Variants in LPP observed in about 807,000 individuals in gnomAD.
The protein encoded by LPP is LIM domain containing preferred translocation partner in lipoma.
Under a neutral mutation model 60.4 loss-of-function variants are expected in LPP, and 38 were observed. The ratio of observed to expected loss-of-function variants is 0.63; its 90% CI spans 0.49 to 0.83. The LOEUF is 0.83. Ranked by LOEUF, LPP falls within the 40% of genes least tolerant of loss-of-function variation. The pLI is 0.00. For synonymous variants in LPP, 328 were observed against 290.8 expected, an observed-to-expected ratio of 1.13 and a Z score of -1.30; for missense variants, 902 against 783.6, an observed-to-expected ratio of 1.15 and a Z score of -1.80.
At chr3:188,704,402 TAGAAGAGAACCTGA>T (rs1413439200) in intron 7 of LPP, among the ~76,000 whole-genome samples, 2 of 152,186 alleles carry the variant, frequency 1.3e-5, no homozygotes, top group African/African-American at 4.8e-5. Flanking sequence ...AGTCCATTGA[TAGAAGAGAACCTGA>T]AGTTATGAAA....
At chr3:188,482,583 T>C (rs542622171) in intron 4 of LPP, among the ~76,000 whole-genome samples, 8 of 148,518 alleles carry the variant, frequency 5.4e-5, no homozygotes, top group African/African-American at 1.5e-4. Context: ...CCCTGTCTTC[T>C]ATCCCCAAGA....
rs1227821788 is a variant in LPP, at chr3:188,877,935, T to A, written c.*3456T>A. The A allele has an allele frequency of 2.3e-5, 5 of 214,370 alleles. No homozygotes were observed. Among genetic ancestry groups the A allele is most frequent in the African/African-American group, 9.0e-5 (4 of 44,348 alleles). The allele number at this position is 214,370 out of a possible 1,614,324, so 13.3% of individuals were successfully genotyped here. ...TCTGGGTATGTGCTGATTAAGGGGG[T>A]GGACTTATCAACACTATAATTGTTC... On this transcript the variant is annotated 3_prime_UTR_variant, in exon 12 of 12. Coordinates refer to ENST00000617246, the MANE Select transcript of LPP (RefSeq NM_001375462.1).
At chr3:188,677,567 T>G (rs1347798634) in intron 7 of LPP, among the ~76,000 whole-genome samples, 1 of 152,186 alleles carries the variant, frequency 6.6e-6, no homozygotes, top group Non-Finnish European at 1.5e-5. Context: ...CTTTAAAAGC[T>G]GTTATTAAAT....
intron 4 of LPP, among the ~76,000 whole-genome samples, 179 bp from the exon 5 acceptor site, chr3:188,484,413 C>T (rs1333770087): frequency 6.6e-6 from 1 of 152,162 alleles, no homozygotes; most frequent in African/African-American, 2.4e-5. Context: ...ACTCTTTCTT[C>T]TGAAAGTTAA....
At chr3:188,326,400 G>A (rs1280381976) in intron 2 of LPP, among the ~76,000 whole-genome samples, 1 of 152,146 alleles carries the variant, frequency 6.6e-6, no homozygotes, top group Non-Finnish European at 1.5e-5. Context: ...GGTGACCGGA[G>A]TATATTTAGA....
In LPP at chr3:188,681,783, C is replaced by A. The variant is rs1481152325; in HGVS notation, c.1114-26484C>A. Among the ~76,000 whole-genome samples, 7 of 152,140 alleles carry A rather than the reference C, an allele frequency of 4.6e-5. No individual in the cohort carries two copies. In the East Asian group the frequency reaches 1.3e-3, roughly 29 times the overall value. ...ACGCCATTTTTCTATATACAAAATT[C>A]TTTCACATCTATTTTCACCACTATC... On this transcript the variant is annotated intron_variant, in intron 7 of 11. Coordinates refer to ENST00000617246, the MANE Select transcript of LPP (RefSeq NM_001375462.1).
intron 3 of LPP, among the ~76,000 whole-genome samples, chr3:188,376,350 G>A (rs968493004): frequency 1.2e-4 from 18 of 152,178 alleles, no homozygotes; most frequent in Admixed American, 3.9e-4. Flanking sequence ...AAGTCTCTTT[G>A]TAGGTCACTA....
chr3:188,224,222 G>T (rs930249669), intron 1 of LPP, among the ~76,000 whole-genome samples: 1 of 152,050 alleles, frequency 6.6e-6, no homozygotes, highest in African/African-American at 2.4e-5. Context: ...GGGTTCTCTT[G>T]TCAGTTGGAA....
At position 188,823,446 on chromosome 3, in the gene LPP, C is replaced by T. The variant is rs916350275; in HGVS notation, c.1411-42754C>T. On this transcript the variant is annotated intron_variant, in intron 9 of 11. Transcript: ENST00000617246. The stretch of plus-strand genomic sequence containing the variant: ...TGGATGGAAAGTTGGCATCCCAGTT[C>T]GGAACCAATTTTTATTGGGCACAGA... 4.6e-5 allele frequency among the ~76,000 whole-genome samples: 7 copies of T among 151,948 alleles called. No individual in the cohort carries two copies. The East Asian group carries it at 9.6e-4, about 21-fold the overall frequency.
chr3:188,795,145 A>G (rs947305879), intron 9 of LPP, among the ~76,000 whole-genome samples: 2 of 152,166 alleles, frequency 1.3e-5, no homozygotes, highest in African/African-American at 4.8e-5. Flanking sequence ...AAAACAAAAC[A>G]AAAACAAAAA....
chr3:188,853,125 G>A (rs1763057311), intron 9 of LPP, among the ~76,000 whole-genome samples: 1 of 151,870 alleles, frequency 6.6e-6, no homozygotes, highest in African/African-American at 2.4e-5. Flanking sequence ...ACTACAGACT[G>A]GGCAAAAAGA....
chr3:188,511,609 G>T (rs935379468), intron 5 of LPP, among the ~76,000 whole-genome samples: 1 of 151,930 alleles, frequency 6.6e-6, no homozygotes, highest in East Asian at 2.0e-4. Flanking sequence ...GGAGCAAAAT[G>T]TTTGATTTCC....
intron 9 of LPP, among the ~76,000 whole-genome samples, chr3:188,863,764 G>A (rs1485546693): frequency 6.6e-6 from 1 of 152,034 alleles, no homozygotes; most frequent in East Asian, 1.9e-4. Flanking sequence ...CTTTGTTGCA[G>A]AAATGTTTGT....
At chr3:188,834,003 GAAC>G (rs1475857308) in intron 9 of LPP, among the ~76,000 whole-genome samples, 4 of 152,096 alleles carry the variant, frequency 2.6e-5, no homozygotes, top group Non-Finnish European at 5.9e-5. Context: ...GCTTCGGGAA[GAAC>G]AAGACCAAGA....
At chr3:188,536,008 T>G (rs1237032120) in intron 6 of LPP, among the ~76,000 whole-genome samples, 1 of 38,446 alleles carries the variant, frequency 2.6e-5, no homozygotes, top group South Asian at 8.3e-4. Flanking sequence ...ATGAATTTTT[T>G]TTTTTTTTTT....
chr3:188,449,971 A>G (rs1263958865), intron 4 of LPP, among the ~76,000 whole-genome samples: 1 of 151,780 alleles, frequency 6.6e-6, no homozygotes, highest in African/African-American at 2.4e-5. Context: ...CGCCTGGCTA[A>G]TTTTTGTATT....
At chr3:188,709,557 A>G (rs1866187981) in intron 8 of LPP, 1 of 152,106 alleles carries the variant, frequency 6.6e-6, no homozygotes, top group African/African-American at 2.4e-5. Flanking sequence ...AGGTTTCGCC[A>G]TGTTGGCCAG....
chr3:188,408,403 G>T (rs1784172755), intron 4 of LPP, among the ~76,000 whole-genome samples: 1 of 152,126 alleles, frequency 6.6e-6, no homozygotes, highest in Admixed American at 6.6e-5. Context: ...TGCCCTCCTT[G>T]TACTATGTGT....
At chr3:188,698,282 A>T (rs987357422) in intron 7 of LPP, among the ~76,000 whole-genome samples, 2 of 152,102 alleles carry the variant, frequency 1.3e-5, no homozygotes, top group African/African-American at 4.8e-5. Flanking sequence ...TCTATTCATC[A>T]AACTTTTAGG....
Sources: gnomAD v4.1 joint callset for allele counts (sites outside exome capture counted in the v4.1 genomes callset) on GRCh38, gnomAD v4.1.1 for gene constraint, MANE v1.5 for transcripts, NCBI Gene and HGNC (gene_info 2026-07-23, HGNC 2026-07-21) for gene names.